RBMS3: variants seen among roughly 807,000 people sequenced by gnomAD.
The protein encoded by RBMS3 is RNA-binding motif, single-stranded-interacting protein 3.
A neutral mutation model predicts 66.8 loss-of-function variants in RBMS3; 27 were observed. That is an observed-to-expected ratio of 0.40 (90% CI 0.30 to 0.56). The LOEUF (loss-of-function observed/expected upper bound fraction) is 0.56, where lower values mean the gene tolerates loss of function less well. Among genes scored for constraint, RBMS3 ranks in the 20% least tolerant of loss-of-function variants. RBMS3 has a pLI of 0.40. For missense variants in RBMS3, 513 were observed against 549.5 expected (o/e 0.93, Z 0.66); for synonymous variants, 188 against 183.0 (o/e 1.03, Z -0.22).
At chr3:29,929,300 T>C (rs995182741) in intron 10 of RBMS3, among the ~76,000 whole-genome samples, 2 of 152,212 alleles carry the variant, frequency 1.3e-5, no homozygotes, top group Non-Finnish European at 2.9e-5. Flanking sequence ...CACCAAAAGC[T>C]ACTGATAAAC....
At chr3:29,442,036 A>G (rs950070487) in intron 2 of RBMS3, among the ~76,000 whole-genome samples, 7 of 152,306 alleles carry the variant, frequency 4.6e-5, no homozygotes, top group African/African-American at 1.4e-4. Flanking sequence ...ATATGCCTCT[A>G]GAAGTGTTTT....
chr3:29,877,164 C>T (rs1052845357), intron 7 of RBMS3, among the ~76,000 whole-genome samples: 4 of 152,134 alleles, frequency 2.6e-5, no homozygotes, highest in Non-Finnish European at 5.9e-5. Context: ...ACAAACTTGA[C>T]TTTGAGACAA....
intron 12 of RBMS3, among the ~76,000 whole-genome samples, chr3:29,975,032 ATATT>A (rs1212094822): frequency 9.3e-6 from 1 of 107,434 alleles, no homozygotes; most frequent in Admixed American, 1.1e-4. Context: ...ATACGTTTCT[ATATT>A]TATATATTTT....
chr3:29,445,559 C>T (rs1440184281), intron 2 of RBMS3, among the ~76,000 whole-genome samples: 2 of 152,022 alleles, frequency 1.3e-5, no homozygotes, highest in African/African-American at 4.8e-5. Context: ...TGTTTTTTCA[C>T]AGATTTCTCT....
At chr3:29,849,145 C>A (rs1234933931) in intron 6 of RBMS3, among the ~76,000 whole-genome samples, 1 of 151,146 alleles carries the variant, frequency 6.6e-6, no homozygotes, top group Non-Finnish European at 1.5e-5. Context: ...TACAAATACA[C>A]CACTCCTCCC....
chr3:29,562,470 A>G (rs941413115), intron 3 of RBMS3, among the ~76,000 whole-genome samples: 2 of 152,162 alleles, frequency 1.3e-5, no homozygotes, highest in African/African-American at 2.4e-5. Flanking sequence ...GCTCTACTAC[A>G]TGGGCCACTG....
chr3:30,000,780 A>C (rs1699565747), intron 14 of RBMS3, among the ~76,000 whole-genome samples: 1 of 152,108 alleles, frequency 6.6e-6, no homozygotes, highest in Admixed American at 6.6e-5. Context: ...CAGCAAACTA[A>C]CACAAGAACA....
chr3:29,488,239 A>C (rs1252920164), intron 2 of RBMS3, among the ~76,000 whole-genome samples: 1 of 152,164 alleles, frequency 6.6e-6, no homozygotes, highest in Non-Finnish European at 1.5e-5. Flanking sequence ...AGCTCAACCC[A>C]TTGCTTACAT....
At position 29,315,050 on chromosome 3, in the gene RBMS3, G is replaced by C. The variant is rs905047287; in HGVS notation, c.75+33294G>C. Among the ~76,000 whole-genome samples the C allele has an allele frequency of 4.6e-5, 7 of 151,674 alleles. No homozygotes were observed. In the East Asian group the frequency reaches 5.8e-4, roughly 13 times the overall value. The stretch of plus-strand genomic sequence containing the variant: ...ATGCCTAGGAGCATGGCAATCTCTG[G>C]TTTCATTATAGTCCTTGCTAAAATT... On this transcript the variant is annotated intron_variant, in intron 1 of 14. Coordinates refer to ENST00000383767, the MANE Select transcript of RBMS3 (RefSeq NM_001003793.3).
chr3:29,347,239 A>C (rs1055971526), intron 1 of RBMS3, among the ~76,000 whole-genome samples: 3 of 152,262 alleles, frequency 2.0e-5, no homozygotes, highest in Admixed American at 6.5e-5. Flanking sequence ...AGAATTTTTG[A>C]AAAGCATCAA....
intron 1 of RBMS3, among the ~76,000 whole-genome samples, chr3:29,390,557 A>ATT (rs2039242965): frequency 2.6e-5 from 4 of 151,686 alleles, no homozygotes; most frequent in South Asian, 2.1e-4. Flanking sequence ...GTTTATTTAA[A>ATT]AAAAAAATGA....
At chr3:29,507,201 T>A (rs565655473) in intron 3 of RBMS3, among the ~76,000 whole-genome samples, 1 of 151,924 alleles carries the variant, frequency 6.6e-6, no homozygotes, top group Admixed American at 6.6e-5. Flanking sequence ...TAAAAAAAAA[T>A]GAGGTTCTTT....
chr3:29,979,180 A>G (rs924281242), intron 12 of RBMS3, among the ~76,000 whole-genome samples: 2 of 151,646 alleles, frequency 1.3e-5, no homozygotes, highest in African/African-American at 4.9e-5. Flanking sequence ...CAACAACAAC[A>G]ACAATGACAA....
In RBMS3 at chr3:29,953,931, T is replaced by A. The variant is rs566764305; in HGVS notation, c.1098+9677T>A. Reference sequence around the variant, plus strand: ...TTTCTTCATTTTTCCCTTCTTCCTATCTTCCTCTTTTGTCAAGCCATAGTC... The same window carrying A: ...TTTCTTCATTTTTCCCTTCTTCCTAACTTCCTCTTTTGTCAAGCCATAGTC... On this transcript the variant is annotated intron_variant, in intron 12 of 14. Coordinates refer to ENST00000383767, the MANE Select transcript of RBMS3 (RefSeq NM_001003793.3). Among the ~76,000 whole-genome samples the A allele has an allele frequency of 1.8e-3, 275 of 152,016 alleles. 1 individual carries two copies. The highest frequency in any genetic ancestry group is 6.3e-3 in the African/African-American group (263 of 41,532).
rs553520590 is a variant in RBMS3, at chr3:29,559,510, C to CAAAAAAAAAAA, written c.308-27571_308-27561dup. Among the ~76,000 whole-genome samples the CAAAAAAAAAAA allele has an allele frequency of 7.7e-4, 32 of 41,340 alleles. 2 individuals are homozygous for CAAAAAAAAAAA. The highest frequency in any genetic ancestry group is 1.5e-3 in the East Asian group (3 of 2,062). 27.1% of individuals were successfully genotyped at this position (41,340 alleles called of 152,430 possible). A position where few individuals can be genotyped will look rare whatever the true frequency, so the allele number is the denominator to read the frequency against. The stretch of plus-strand genomic sequence containing the variant: ...TGGGTGACAGAGGAAGACTCTGTCT[C>CAAAAAAAAAAA]AAAAAAAAAAAAAAAAAAAAAAAAA... On this transcript the variant is annotated intron_variant, in intron 3 of 14. Transcript: ENST00000383767.
chr3:29,930,736 A>G (rs2149679171), intron 10 of RBMS3, among the ~76,000 whole-genome samples: 1 of 151,434 alleles, frequency 6.6e-6, no homozygotes, highest in South Asian at 2.1e-4. Context: ...TAATATATAT[A>G]TATATATTTA....
intron 1 of RBMS3, among the ~76,000 whole-genome samples, chr3:29,408,612 C>T (rs2040129977): frequency 6.6e-6 from 1 of 152,254 alleles, no homozygotes; most frequent in East Asian, 1.9e-4. Flanking sequence ...ACTTCTGACT[C>T]TCTAATGTCA....
intron 14 of RBMS3, among the ~76,000 whole-genome samples, chr3:29,996,004 T>C (rs1244047013): frequency 6.6e-6 from 1 of 152,194 alleles, no homozygotes; most frequent in Non-Finnish European, 1.5e-5. Context: ...CCCATCAGTG[T>C]GCTGTATTCA....
Position 29,423,459 on chromosome 3 carries a change from T to G in RBMS3, c.76-11284T>G, listed in dbSNP as rs550803363. On this transcript the variant is annotated intron_variant, in intron 1 of 14. Transcript: ENST00000383767. The stretch of plus-strand genomic sequence containing the variant: ...ATATGCCAAAATATAAACCTACTTC[T>G]TGAGTGTGGGAGGAAGCTTGAATAT... 2.0e-4 allele frequency among the ~76,000 whole-genome samples: 30 copies of G among 152,298 alleles called. No individual in the cohort carries two copies. The East Asian group carries it at 5.8e-3, about 29-fold the overall frequency.
Sources: allele counts gnomAD v4.1 joint callset (sites outside exome capture counted in the v4.1 genomes callset), GRCh38; gene constraint gnomAD v4.1.1; transcripts MANE v1.5; gene names NCBI Gene and HGNC (gene_info 2026-07-23, HGNC 2026-07-21).